Variants in DAPK1 observed in about 807,000 individuals in gnomAD.
The protein encoded by DAPK1 is death-associated protein kinase 1.
DAPK1 carries 56 observed loss-of-function variants against 144.9 expected under a neutral mutation model. The observed-to-expected ratio is 0.39, with a 90% CI of 0.31 to 0.48. DAPK1 has a LOEUF of 0.48. Among genes scored for constraint, DAPK1 ranks in the 20% least tolerant of loss-of-function variants. The pLI is 0.95. For synonymous variants in DAPK1, 690 were observed against 749.0 expected, an observed-to-expected ratio of 0.92 and a Z score of 1.29; for missense variants, 1,454 against 1,875.4, an observed-to-expected ratio of 0.78 and a Z score of 4.15.
At chr9:87,509,429 T>G (rs1824745488) in intron 2 of DAPK1, among the ~76,000 whole-genome samples, 1 of 152,116 alleles carries the variant, frequency 6.6e-6, no homozygotes, top group African/African-American at 2.4e-5. Flanking sequence ...TGGCGCAATC[T>G]CAGCTCACCA....
chr9:87,652,013 G>A lies in DAPK1; in HGVS notation c.1824+289G>A, dbSNP rs549720755. 5.9e-3 allele frequency among the ~76,000 whole-genome samples: 707 copies of A among 120,720 alleles called. 5 individuals carry two copies. The highest frequency in any genetic ancestry group is 0.02 in the African/African-American group (640 of 31,252). 79.2% of individuals were successfully genotyped at this position (120,720 alleles called of 152,430 possible). On this transcript the variant is annotated intron_variant, in intron 17 of 25. Coordinates refer to ENST00000408954, the MANE Select transcript of DAPK1 (RefSeq NM_004938.4). ...ATTCTGTGTCCTCCCACCTGATCCC[G>A]GGTCCTGATTCTGTGTCCTCCCACC... is the stretch of plus-strand genomic sequence containing the variant.
At chr9:87,665,080 C>A (rs36216037) in intron 18 of DAPK1, among the ~76,000 whole-genome samples, 6,689 of 152,036 alleles carry the variant, frequency 0.044, 183 homozygotes, top group East Asian at 0.11. Flanking sequence ...TTCTGGACCA[C>A]CCTATTTTAA....
intron 2 of DAPK1, among the ~76,000 whole-genome samples, chr9:87,538,802 A>G (rs1178746904): frequency 6.6e-6 from 1 of 152,078 alleles, no homozygotes; most frequent in African/African-American, 2.4e-5. Flanking sequence ...ATAATGAATT[A>G]TTAAGCTTTA....
chr9:87,691,607 T>G (rs771207301), intron 21 of DAPK1, among the ~76,000 whole-genome samples: 1 of 152,116 alleles, frequency 6.6e-6, no homozygotes, highest in Non-Finnish European at 1.5e-5. Flanking sequence ...GTTTCTGATT[T>G]TTTGACGTAG....
At chr9:87,546,842 T>C (rs1826269302) in intron 2 of DAPK1, among the ~76,000 whole-genome samples, 1 of 151,916 alleles carries the variant, frequency 6.6e-6, no homozygotes, top group Non-Finnish European at 1.5e-5. Context: ...GCAATCTGCA[T>C]TCCATATTAG....
At chr9:87,609,529 T>G (rs927017042) in intron 3 of DAPK1, among the ~76,000 whole-genome samples, 3 of 152,230 alleles carry the variant, frequency 2.0e-5, no homozygotes, top group Non-Finnish European at 2.9e-5. Context: ...GAGGTTATGT[T>G]TTATAATTTT....
chr9:87,582,772 A>G (rs185167527), intron 2 of DAPK1, among the ~76,000 whole-genome samples: 78 of 151,850 alleles, frequency 5.1e-4, no homozygotes, highest in Non-Finnish European at 8.8e-4. Context: ...CCAGGCTGGT[A>G]TTGAACTCCT....
chr9:87,573,901 GAAAACCTC>G (rs1468503849), intron 2 of DAPK1, among the ~76,000 whole-genome samples: 1 of 152,160 alleles, frequency 6.6e-6, no homozygotes, highest in Non-Finnish European at 1.5e-5. Context: ...GCTTGTGACA[GAAAACCTC>G]AAATAATAAT....
intron 2 of DAPK1, among the ~76,000 whole-genome samples, chr9:87,559,005 C>G (rs889979327): frequency 3.3e-5 from 5 of 152,144 alleles, no homozygotes; most frequent in African/African-American, 1.2e-4. Flanking sequence ...TGGTCTCTCT[C>G]TGTAAGAAAT....
rs765353398 is a variant in DAPK1, at chr9:87,706,464, C to T, written c.3393C>T (p.Ile1131=). Reference sequence around the variant, plus strand: ...TGATGGTGTATGGTGGCGTGCGCATCGTGCCCGTGGAACACCTCACCCCCT... The same window carrying T: ...TGATGGTGTATGGTGGCGTGCGCATTGTGCCCGTGGAACACCTCACCCCCT... The part of the protein sequence containing the change: ...DEVMVYGGVR[I]VPVEHLTPFP... The change falls in exon 26 of 26, where the codon ATC becomes ATT. Residue 1131 remains isoleucine (I), a synonymous_variant. Transcript: ENST00000408954. This position sits in a 1 kb window ranked among gnomAD's most constrained non-coding sequence, Gnocchi z 9.0. 1.2e-6 allele frequency: 2 copies of T among 1,613,846 alleles called. No homozygotes were observed. Among genetic ancestry groups the T allele is most frequent in the Non-Finnish European group, 1.7e-6 (2 of 1,179,702 alleles).
At chr9:87,676,128 C>T (rs1824369763) in intron 19 of DAPK1, among the ~76,000 whole-genome samples, 1 of 152,202 alleles carries the variant, frequency 6.6e-6, no homozygotes, top group Non-Finnish European at 1.5e-5. Flanking sequence ...ATAGTCCCCT[C>T]TCCTCTCCCC....
In DAPK1 at chr9:87,680,027, A is replaced by T. The variant is rs138203326; in HGVS notation, c.2002-1377A>T. Among the ~76,000 whole-genome samples the T allele has an allele frequency of 9.2e-5, 14 of 152,150 alleles. No homozygotes were observed. In the East Asian group the frequency reaches 2.5e-3, roughly 27 times the overall value. On this transcript the variant is annotated intron_variant, in intron 19 of 25. Coordinates refer to ENST00000408954, the MANE Select transcript of DAPK1 (RefSeq NM_004938.4). ...TTTTCTTTCAGCCTCTTAATTGATT[A>T]GGGTAAATTTTTGATTATCCTTTTT...
rs1564000975 is a variant in DAPK1 at position 87,571,488 on chromosome 9, C to CCA, written c.63-33466_63-33465insCA. Among the ~76,000 whole-genome samples, 136 of 51,604 alleles carry CCA rather than the reference C, an allele frequency of 2.6e-3. 8 individuals carry two copies. The highest frequency in any genetic ancestry group is 0.012 in the African/African-American group (123 of 10,088). The allele number at this position is 51,604 out of a possible 152,430, so 33.9% of individuals were successfully genotyped here. A position where few individuals can be genotyped will look rare whatever the true frequency, so the allele number is the denominator to read the frequency against. On this transcript the variant is annotated intron_variant, in intron 2 of 25. Transcript: ENST00000408954. ...ACACACACACACCAACACACACACA[C>CCA]ACACACCCCAACACACACACACACA...
chr9:87,534,937 G>A (rs750056321), intron 2 of DAPK1, among the ~76,000 whole-genome samples: 6 of 152,056 alleles, frequency 3.9e-5, no homozygotes, highest in South Asian at 2.1e-4. Context: ...GAGCCACCCC[G>A]TCCGATTCTT....
chr9:87,538,295 A>G (rs187362395), intron 2 of DAPK1, among the ~76,000 whole-genome samples: 70 of 152,246 alleles, frequency 4.6e-4, no homozygotes, highest in African/African-American at 1.6e-3. Context: ...AATAATGGCC[A>G]TTGGAGGTGG....
At chr9:87,703,863 G>A (rs2118096437) in intron 25 of DAPK1, among the ~76,000 whole-genome samples, 1 of 152,352 alleles carries the variant, frequency 6.6e-6, no homozygotes, top group African/African-American at 2.4e-5. Context: ...CCTGTCCCAG[G>A]AACGGGGGCA....
chr9:87,502,355 G>A (rs1255106680), intron 2 of DAPK1, among the ~76,000 whole-genome samples: 3 of 152,106 alleles, frequency 2.0e-5, no homozygotes, highest in Non-Finnish European at 4.4e-5. Context: ...CTCACCCTCT[G>A]TCCCAGGAGG....
At chr9:87,634,659 A>G (rs570287430) in intron 3 of DAPK1, among the ~76,000 whole-genome samples, 7 of 152,292 alleles carry the variant, frequency 4.6e-5, no homozygotes, top group African/African-American at 1.4e-4. Flanking sequence ...ATGCTGTCAG[A>G]CCGTCTTCGG....
intron 2 of DAPK1, among the ~76,000 whole-genome samples, chr9:87,538,017 T>G (rs921489791): frequency 6.6e-6 from 1 of 152,256 alleles, no homozygotes; most frequent in African/African-American, 2.4e-5. Context: ...GCAGATGGCT[T>G]GAAGACTTCA....
Sources: allele counts gnomAD v4.1 joint callset (sites outside exome capture counted in the v4.1 genomes callset), GRCh38; gene constraint gnomAD v4.1.1; non-coding constraint Gnocchi (gnomAD v3.1); transcripts MANE v1.5; gene names NCBI Gene and HGNC (gene_info 2026-07-23, HGNC 2026-07-21).